Variants in PTPRG observed in about 807,000 individuals in gnomAD.
PTPRG encodes the protein protein tyrosine phosphatase receptor type G, also known as receptor-type tyrosine-protein phosphatase gamma.
Under a neutral mutation model 165.3 loss-of-function variants are expected in PTPRG, and 102 were observed. The observed-to-expected ratio is 0.62, with a 90% CI of 0.53 to 0.73. The LOEUF is 0.73. Ranked by LOEUF, PTPRG falls within the 30% of genes least tolerant of loss-of-function variation. PTPRG has a pLI of 0.00. For missense variants in PTPRG, 1,866 were observed against 1,861.4 expected (o/e 1.00, Z -0.05); for synonymous variants, 675 against 669.5 (o/e 1.01, Z -0.13).
rs928696888 is a variant in PTPRG, at chr3:62,245,726, G to A, written c.2467+1828G>A. Among the ~76,000 whole-genome samples the A allele has an allele frequency of 9.2e-5, 14 of 152,070 alleles. No homozygotes were observed. The highest frequency in any genetic ancestry group is 2.2e-4 in the African/African-American group (9 of 41,428). On this transcript the variant is annotated intron_variant, in intron 15 of 29. Transcript: ENST00000474889. The surrounding 1 kb of genome is among the most constrained non-coding windows in gnomAD (Gnocchi z 4.2). ...GCACTTTGGAAACCATACATTAAGC[G>A]AAACGTGTAAGCTGTTGCAACTTTC...
intron 1 of PTPRG, among the ~76,000 whole-genome samples, chr3:61,714,138 C>T (rs1383686968): frequency 6.6e-6 from 1 of 152,046 alleles, no homozygotes; most frequent in Non-Finnish European, 1.5e-5. Flanking sequence ...GTCAACTGTG[C>T]CATATTTCTG....
intron 2 of PTPRG, among the ~76,000 whole-genome samples, chr3:61,798,873 T>A (rs2035144399): frequency 6.6e-6 from 1 of 151,914 alleles, no homozygotes; most frequent in African/African-American, 2.4e-5. Context: ...GCATGGTGAG[T>A]CTTTGGCCTC....
chr3:61,765,261 T>A (rs984153708), intron 2 of PTPRG, among the ~76,000 whole-genome samples: 1 of 152,212 alleles, frequency 6.6e-6, no homozygotes, highest in Non-Finnish European at 1.5e-5. Context: ...CAGAAATCTG[T>A]GCATGAAATC....
At chr3:61,863,436 A>G (rs1050882349) in intron 2 of PTPRG, among the ~76,000 whole-genome samples, 2 of 152,220 alleles carry the variant, frequency 1.3e-5, no homozygotes, top group African/African-American at 4.8e-5. Flanking sequence ...TGGAAATTGA[A>G]TTGCTTAAAC....
At chr3:61,872,079 G>A (rs1459496898) in intron 2 of PTPRG, among the ~76,000 whole-genome samples, 1 of 152,202 alleles carries the variant, frequency 6.6e-6, no homozygotes, top group African/African-American at 2.4e-5. Context: ...TGAAATCTCA[G>A]TAAGGGAAAC....
intron 2 of PTPRG, among the ~76,000 whole-genome samples, chr3:61,762,602 C>T (rs2033889376): frequency 6.6e-6 from 1 of 152,188 alleles, no homozygotes. Flanking sequence ...CAGAACAACA[C>T]TGTTGCTTCT....
At chr3:62,142,236 A>C (rs1703959073) in intron 6 of PTPRG, among the ~76,000 whole-genome samples, 1 of 152,112 alleles carries the variant, frequency 6.6e-6, no homozygotes, top group South Asian at 2.1e-4. Flanking sequence ...AAACATGAGA[A>C]AACCCAATCT....
At chr3:61,772,802 G>A (rs1194661876) in intron 2 of PTPRG, among the ~76,000 whole-genome samples, 1 of 152,096 alleles carries the variant, frequency 6.6e-6, no homozygotes, top group African/African-American at 2.4e-5. Context: ...CTCATGTGCT[G>A]GTGCGTTTAT....
intron 8 of PTPRG, among the ~76,000 whole-genome samples, chr3:62,173,511 A>G (rs1320556582): frequency 2.0e-5 from 3 of 152,186 alleles, no homozygotes; most frequent in Non-Finnish European, 4.4e-5. Context: ...GAGAACCCTA[A>G]ATGGGGAAAT....
intron 5 of PTPRG, 131 bp downstream of exon 5, chr3:62,078,389 T>C (rs1701461595): frequency 1.6e-6 from 1 of 614,476 alleles, no homozygotes; most frequent in South Asian, 2.3e-5. Flanking sequence ...ATATTTCATA[T>C]TGTCTAATGT....
chr3:61,672,768 G>GGA (rs1559550815), intron 1 of PTPRG, among the ~76,000 whole-genome samples: 28 of 143,110 alleles, frequency 2.0e-4, no homozygotes, highest in African/African-American at 5.1e-4. Context: ...GGGAGAAGAG[G>GGA]GAGAGGGAGA....
At chr3:62,009,940 C>G (rs1327420590) in intron 4 of PTPRG, among the ~76,000 whole-genome samples, 1 of 151,466 alleles carries the variant, frequency 6.6e-6, no homozygotes, top group Middle Eastern at 3.2e-3. Context: ...GTATGAATGA[C>G]AAGGTCTTAC....
At chr3:61,821,550 C>G (rs62243182) in intron 2 of PTPRG, among the ~76,000 whole-genome samples, 38,265 of 152,040 alleles carry the variant, frequency 0.25, 5,082 homozygotes, top group East Asian at 0.36. Context: ...GTATTTCTTT[C>G]GTTTTGCATG....
chr3:61,710,804 G>T (rs894584250), intron 1 of PTPRG, among the ~76,000 whole-genome samples: 2 of 151,844 alleles, frequency 1.3e-5, no homozygotes, highest in African/African-American at 4.8e-5. Context: ...CAAGTTCTGG[G>T]ATACATGTGC....
At chr3:62,241,184 T>A (rs186023778) in intron 14 of PTPRG, among the ~76,000 whole-genome samples, 1 of 152,322 alleles carries the variant, frequency 6.6e-6, no homozygotes, top group East Asian at 1.9e-4. Flanking sequence ...CTTTATCAAT[T>A]ACTCCAGTGC....
At chr3:61,978,645 T>TG (rs1237813804) in intron 2 of PTPRG, among the ~76,000 whole-genome samples, 2 of 152,236 alleles carry the variant, frequency 1.3e-5, no homozygotes, top group African/African-American at 2.4e-5. Flanking sequence ...ATATTACCTA[T>TG]GTGCTGTATT....
chr3:62,223,498 G>A (rs1576154605), intron 13 of PTPRG, among the ~76,000 whole-genome samples: 2 of 152,310 alleles, frequency 1.3e-5, no homozygotes, highest in South Asian at 4.1e-4. Flanking sequence ...AATTGGGGGG[G>A]CGGAGTCTAA....
chr3:61,933,364 C>T (rs1053154419), intron 2 of PTPRG, among the ~76,000 whole-genome samples: 2 of 152,064 alleles, frequency 1.3e-5, no homozygotes, highest in South Asian at 2.1e-4. Flanking sequence ...TACTGGGTAC[C>T]TGATGGGCAC....
intron 5 of PTPRG, among the ~76,000 whole-genome samples, chr3:62,116,506 C>G (rs532263264): frequency 1.3e-5 from 2 of 152,262 alleles, no homozygotes; most frequent in East Asian, 1.9e-4. Context: ...AAATGAACTA[C>G]TACTTGGACA....
Sources: allele counts gnomAD v4.1 joint callset (sites outside exome capture counted in the v4.1 genomes callset), GRCh38; gene constraint gnomAD v4.1.1; non-coding constraint Gnocchi (gnomAD v3.1); transcripts MANE v1.5; gene names NCBI Gene and HGNC (gene_info 2026-07-23, HGNC 2026-07-21).